RGL1: variants seen among roughly 807,000 people sequenced by gnomAD.
RGL1 encodes ral guanine nucleotide dissociation stimulator-like 1.
A neutral mutation model predicts 95.2 loss-of-function variants in RGL1; 24 were observed. That is an observed-to-expected ratio of 0.25 (90% CI 0.18 to 0.35). The LOEUF is 0.35. RGL1 is among the 10% of genes least tolerant of loss of function. The pLI is 1.00. For synonymous variants in RGL1, 329 were observed against 344.9 expected (o/e 0.95, Z 0.51); for missense variants, 715 against 936.3 (o/e 0.76, Z 3.08).
intron 2 of RGL1, among the ~76,000 whole-genome samples, chr1:183,746,807 C>G (rs1657666876): frequency 6.6e-6 from 1 of 151,968 alleles, no homozygotes; most frequent in Non-Finnish European, 1.5e-5. Context: ...GCCCCCCATC[C>G]CCCAACAGGC....
At chr1:183,762,512 G>A (rs1341888523) in intron 2 of RGL1, among the ~76,000 whole-genome samples, 1 of 152,130 alleles carries the variant, frequency 6.6e-6, no homozygotes, top group Non-Finnish European at 1.5e-5. Flanking sequence ...GAAATATTGC[G>A]AGAAAATTAC....
chr1:183,830,276 C>G (rs1663171245), intron 2 of RGL1, among the ~76,000 whole-genome samples: 1 of 152,080 alleles, frequency 6.6e-6, no homozygotes, highest in Admixed American at 6.6e-5. Flanking sequence ...CAAACAATAT[C>G]CTTTGTGTTC....
intron 2 of RGL1, among the ~76,000 whole-genome samples, chr1:183,836,225 GA>G (rs2102502217): frequency 6.6e-6 from 1 of 151,680 alleles, no homozygotes; most frequent in South Asian, 2.1e-4. Context: ...AACCTATTAA[GA>G]AAAAAAGCCA....
intron 10 of RGL1, 43 bp from the exon 11 acceptor site, chr1:183,900,107 T>C: frequency 6.5e-7 from 1 of 1,545,578 alleles, no homozygotes; most frequent in Non-Finnish European, 8.9e-7. Flanking sequence ...CCCCTCAACT[T>C]TTCAATGACA....
intron 1 of RGL1, among the ~76,000 whole-genome samples, chr1:183,690,669 A>T (rs1030441207): frequency 6.6e-6 from 1 of 152,158 alleles, no homozygotes; most frequent in Non-Finnish European, 1.5e-5. Flanking sequence ...ATGAAAATAT[A>T]CTTAATTCAA....
At chr1:183,801,242 C>T (rs1660975348), upstream of RGL1, among the ~76,000 whole-genome samples, 1 of 151,244 alleles carries the variant, frequency 6.6e-6, no homozygotes, top group Non-Finnish European at 1.5e-5. Flanking sequence ...GTGCATTTTC[C>T]TGATGATTAG....
chr1:183,833,359 A>G (rs528288916), intron 2 of RGL1, among the ~76,000 whole-genome samples: 49 of 152,296 alleles, frequency 3.2e-4, no homozygotes, highest in Middle Eastern at 3.4e-3. Flanking sequence ...ATTGTCAAGC[A>G]TAGTATAGCT....
intron 1 of RGL1, among the ~76,000 whole-genome samples, chr1:183,707,838 G>A (rs1404470859): frequency 6.6e-6 from 1 of 151,874 alleles, no homozygotes; most frequent in Admixed American, 6.6e-5. Context: ...GGCTGGGAGA[G>A]GTAGACAGCA....
chr1:183,816,635 G>A (rs1662107472), intron 2 of RGL1, among the ~76,000 whole-genome samples: 1 of 152,174 alleles, frequency 6.6e-6, no homozygotes, highest in Non-Finnish European at 1.5e-5. Flanking sequence ...TTTTTAATAT[G>A]TAAGTTTTTA....
At chr1:183,665,669 A>G (rs925799232) in intron 1 of RGL1, among the ~76,000 whole-genome samples, 9 of 152,186 alleles carry the variant, frequency 5.9e-5, no homozygotes, top group African/African-American at 1.9e-4. Context: ...AGGTGAGCAT[A>G]GATTGTTCAT....
At chr1:183,871,178 C>T (rs1666163204) in intron 4 of RGL1, among the ~76,000 whole-genome samples, 1 of 152,186 alleles carries the variant, frequency 6.6e-6, no homozygotes, top group African/African-American at 2.4e-5. Flanking sequence ...TACCTTCGAC[C>T]ACTTTTCTCT....
At chr1:183,707,148 G>T (rs1398786800) in intron 1 of RGL1, among the ~76,000 whole-genome samples, 1 of 152,172 alleles carries the variant, frequency 6.6e-6, no homozygotes, top group East Asian at 1.9e-4. Context: ...CCAGTGGGGG[G>T]CCTGGTTGGG....
At chr1:183,835,219 A>G (rs1156431600) in intron 2 of RGL1, among the ~76,000 whole-genome samples, 1 of 152,040 alleles carries the variant, frequency 6.6e-6, no homozygotes, top group Non-Finnish European at 1.5e-5. Context: ...TCTATATGCT[A>G]CTTTCTTCTT....
intron 1 of RGL1, chr1:183,742,002 G>A: frequency 1.6e-6 from 1 of 635,418 alleles, no homozygotes; most frequent in Non-Finnish European, 2.6e-6. Context: ...AAAAGTTGAT[G>A]CCTATTATGA....
At position 183,879,448 on chromosome 1, in the gene RGL1, C is replaced by G. The variant is rs12088770; in HGVS notation, c.426-1168C>G. ...AGTTTGTTAACTAAAAAAACAATTT[C>G]TTTGAAGTATAATTAGGTGATAATG... On this transcript the variant is annotated intron_variant, in intron 4 of 17. Coordinates refer to ENST00000360851, the MANE Select transcript of RGL1 (RefSeq NM_001297671.3). 1.4e-3 allele frequency among the ~76,000 whole-genome samples: 206 copies of G among 152,276 alleles called. 3 individuals carry two copies. In the East Asian group the frequency reaches 0.034, roughly 25 times the overall value.
intron 1 of RGL1, among the ~76,000 whole-genome samples, chr1:183,639,419 A>G (rs1036696630): frequency 1.3e-5 from 2 of 152,160 alleles, no homozygotes; most frequent in African/African-American, 4.8e-5. Context: ...AGTGAATTTC[A>G]GTTCTGGTAA....
chr1:183,880,878 T>A, intron 5 of RGL1, 78 bp downstream of exon 5: 2 of 1,363,418 alleles, frequency 1.5e-6, no homozygotes, highest in South Asian at 2.8e-5. Context: ...GTTCTCCCTG[T>A]GCTGGCTAAT....
chr1:183,637,113 A>G (rs1293242072), intron 1 of RGL1, among the ~76,000 whole-genome samples: 1 of 152,240 alleles, frequency 6.6e-6, no homozygotes, highest in Non-Finnish European at 1.5e-5. Flanking sequence ...CAGATTCCTC[A>G]TCACTGAAAT....
chr1:183,669,725 T>C (rs545392738), intron 1 of RGL1, among the ~76,000 whole-genome samples: 1 of 152,302 alleles, frequency 6.6e-6, no homozygotes, highest in Non-Finnish European at 1.5e-5. Flanking sequence ...ACTGCGTAAT[T>C]TATAAATAAA....
Sources: allele counts gnomAD v4.1 joint callset (sites outside exome capture counted in the v4.1 genomes callset), GRCh38; gene constraint gnomAD v4.1.1; transcripts MANE v1.5; gene names NCBI Gene and HGNC (gene_info 2026-07-23, HGNC 2026-07-21).